PREX2: variants seen among roughly 807,000 people sequenced by gnomAD.
The protein encoded by PREX2 is phosphatidylinositol 3,4,5-trisphosphate-dependent Rac exchanger 2 protein.
Under a neutral mutation model 203.2 loss-of-function variants are expected in PREX2, and 107 were observed. That is an observed-to-expected ratio of 0.53 (90% confidence interval 0.45 to 0.62). The LOEUF (loss-of-function observed/expected upper bound fraction) is 0.62. PREX2 is among the 20% of genes least tolerant of loss of function. The probability of loss-of-function intolerance (pLI) is 0.00; values close to 1 mark genes in which losing one functional copy is unlikely to be tolerated. For missense variants in PREX2, 1,777 were observed against 1,955.9 expected (o/e 0.91, Z 1.72); for synonymous variants, 672 against 663.6 (o/e 1.01, Z -0.19).
intron 39 of PREX2, among the ~76,000 whole-genome samples, chr8:68,225,111 T>C (rs1313033660): frequency 6.6e-6 from 1 of 152,194 alleles, no homozygotes; most frequent in Non-Finnish European, 1.5e-5. Context: ...TGATAAACTT[T>C]ATCATATCTT....
At chr8:68,215,023 G>T (rs1361019625) in intron 37 of PREX2, among the ~76,000 whole-genome samples, 3 of 152,166 alleles carry the variant, frequency 2.0e-5, no homozygotes. Context: ...CCATTTGAAG[G>T]TAGATTTTTC....
chr8:68,036,555 C>T (rs1325968592), intron 6 of PREX2, among the ~76,000 whole-genome samples: 3 of 152,056 alleles, frequency 2.0e-5, no homozygotes, highest in African/African-American at 4.8e-5. Context: ...ATTAATACCA[C>T]TTTGCTTAAT....
chr8:68,186,767 C>T (rs1812199640), intron 35 of PREX2, among the ~76,000 whole-genome samples: 1 of 152,218 alleles, frequency 6.6e-6, no homozygotes, highest in South Asian at 2.1e-4. Context: ...CCACCTCAGC[C>T]TCCCAAAGTG....
At chr8:68,047,151 T>C (rs1808376235) in intron 8 of PREX2, among the ~76,000 whole-genome samples, 1 of 151,974 alleles carries the variant, frequency 6.6e-6, no homozygotes, top group South Asian at 2.1e-4. Flanking sequence ...TGGGTTTGGT[T>C]GCACCCAGAA....
At chr8:68,036,726 A>G (rs1273741876) in intron 6 of PREX2, among the ~76,000 whole-genome samples, 3 of 152,070 alleles carry the variant, frequency 2.0e-5, no homozygotes, top group African/African-American at 7.2e-5. Context: ...TGGGTGGATC[A>G]CCTGAGGTCG....
At chr8:68,080,277 A>ACAGG (rs200629180) in intron 15 of PREX2, among the ~76,000 whole-genome samples, 166 bp from the exon 16 acceptor site, 1 of 130,398 alleles carries the variant, frequency 7.7e-6, no homozygotes, top group East Asian at 2.2e-4. Flanking sequence ...GAAATTATAG[A>ACAGG]AAGAGAAAAA....
chr8:68,099,575 A>T, intron 22 of PREX2, 107 bp from the exon 23 acceptor site: 1 of 1,075,548 alleles, frequency 9.3e-7, no homozygotes, highest in South Asian at 1.7e-5. Flanking sequence ...TGAAAATTTG[A>T]TATGGCTACT....
intron 37 of PREX2, among the ~76,000 whole-genome samples, chr8:68,212,138 T>A (rs1812753029): frequency 6.6e-6 from 1 of 152,124 alleles, no homozygotes; most frequent in South Asian, 2.1e-4. Flanking sequence ...TGCACCAGCA[T>A]ATTGAGCTCC....
Position 68,148,368 on chromosome 8 carries a change from ACTCTTTTCCTTTATTTCT to A in PREX2, c.4231+2040_4231+2057del, listed in dbSNP as rs765266677. Among the ~76,000 whole-genome samples the A allele has an allele frequency of 1.1e-3, 161 of 152,066 alleles. 2 individuals are homozygous for A. The highest frequency in any genetic ancestry group is 1.9e-3 in the Non-Finnish European group (130 of 67,992). ...TAGCCAGGACTTACAATTGTTAAAG[ACTCTTTTCCTTTATTTCT>A]CTCTTTTCCTTTATTTCTCTCTTCT... is the stretch of plus-strand genomic sequence containing the variant. On this transcript the variant is annotated intron_variant, in intron 34 of 39. Coordinates refer to ENST00000288368, the MANE Select transcript of PREX2 (RefSeq NM_024870.4).
In PREX2 at chr8:68,055,838, T is replaced by G. The variant is rs764216584; in HGVS notation, c.1102T>G (p.Leu368Val). The change falls in exon 10 of 40, where the codon TTA becomes GTA. Residue 368 changes from leucine to valine, a missense_variant. Leu to Val is a conservative substitution (Grantham distance 32, BLOSUM62 1). Coordinates refer to ENST00000288368, the MANE Select transcript of PREX2 (RefSeq NM_024870.4). Reference protein sequence around the residue: ...KERERRKGLKLGMEQDTWVMI... With the variant: ...KERERRKGLKVGMEQDTWVMI... ...TCTTTCATTTTTGATAGGTTTAAAA[T>G]TAGGAATGGAGCAAGATACCTGGGT... 3.4e-5 allele frequency: 54 copies of G among 1,610,610 alleles called. No individual in the cohort carries two copies. The highest frequency in any genetic ancestry group is 4.6e-5 in the Non-Finnish European group (54 of 1,179,142).
At chr8:68,226,863 A>T (rs1252495444) in intron 39 of PREX2, among the ~76,000 whole-genome samples, 1 of 152,230 alleles carries the variant, frequency 6.6e-6, no homozygotes, top group African/African-American at 2.4e-5. Flanking sequence ...GAGGTCACAG[A>T]ATACTCCTGG....
intron 37 of PREX2, among the ~76,000 whole-genome samples, chr8:68,194,294 C>T (rs555078122): frequency 2.7e-4 from 41 of 151,796 alleles, no homozygotes; most frequent in East Asian, 1.4e-3. Flanking sequence ...TGGGGGGAAA[C>T]GGTTGATAAA....
Position 68,063,595 on chromosome 8 carries a change from A to G in PREX2, c.1339+2816A>G, listed in dbSNP as rs140707266. Among the ~76,000 whole-genome samples the G allele has an allele frequency of 3.4e-3, 516 of 152,282 alleles. 6 individuals carry two copies. Among genetic ancestry groups the G allele is most frequent in the African/African-American group, 0.012 (503 of 41,578 alleles). On this transcript the variant is annotated intron_variant, in intron 11 of 39. Coordinates refer to ENST00000288368, the MANE Select transcript of PREX2 (RefSeq NM_024870.4). ...ACTATATTAGGGAGGTTTGTTTGTT[A>G]CAGTAGCTAGTGTTAACTAGTGGAA...
At chr8:67,995,730 C>G (rs1284927274) in intron 1 of PREX2, among the ~76,000 whole-genome samples, 2 of 152,246 alleles carry the variant, frequency 1.3e-5, no homozygotes, top group Middle Eastern at 3.4e-3. Flanking sequence ...CCATTCACTA[C>G]TTGATAGTCA....
intron 17 of PREX2, among the ~76,000 whole-genome samples, chr8:68,081,605 G>A (rs961416575): frequency 3.3e-5 from 5 of 152,138 alleles, no homozygotes; most frequent in African/African-American, 4.8e-5. Context: ...TCCCATCACC[G>A]TTGATAGTGT....
rs1264640767 is a variant in PREX2 at position 68,234,520 on chromosome 8, A to G, written c.*3142A>G. On this transcript the variant is annotated 3_prime_UTR_variant, in exon 40 of 40. Transcript: ENST00000288368. ...TTCTAATATTAATTCCAAATATTACAAAATTTAATGTGATATTAAAGTATG... is the reference window on the plus strand; with the variant it reads ...TTCTAATATTAATTCCAAATATTACGAAATTTAATGTGATATTAAAGTATG... 3 of 152,214 alleles carry G rather than the reference A, an allele frequency of 2.0e-5. No homozygotes were observed. The highest frequency in any genetic ancestry group is 7.2e-5 in the African/African-American group (3 of 41,458). The allele number at this position is 152,214 out of a possible 1,614,324, so 9.4% of individuals were successfully genotyped here. A position where few individuals can be genotyped will look rare whatever the true frequency, so the allele number is the denominator to read the frequency against.
In PREX2 at chr8:68,215,160, C is replaced by G. The variant is rs569461294; in HGVS notation, c.4605-2456C>G. 1.2e-4 allele frequency among the ~76,000 whole-genome samples: 18 copies of G among 152,218 alleles called. No individual in the cohort carries two copies. In the South Asian group the frequency reaches 3.7e-3, roughly 32 times the overall value. ...AAAATCTCTGGCGGGTAATTTGCTGCTGTACTGCTGCTTACTACAACTTGA... is the reference window on the plus strand; with the variant it reads ...AAAATCTCTGGCGGGTAATTTGCTGGTGTACTGCTGCTTACTACAACTTGA... On this transcript the variant is annotated intron_variant, in intron 37 of 39. Transcript: ENST00000288368.
At chr8:68,021,293 C>T (rs1385722806) in intron 3 of PREX2, among the ~76,000 whole-genome samples, 2 of 152,152 alleles carry the variant, frequency 1.3e-5, no homozygotes, top group Non-Finnish European at 2.9e-5. Flanking sequence ...CCTAAAGATC[C>T]TAGTTTTATA....
Position 68,109,490 on chromosome 8 carries a change from C to G in PREX2, c.3013C>G (p.Gln1005Glu), listed in dbSNP as rs768146218. Residue 1005 changes from glutamine (Q) to glutamate (E), a missense_variant, in exon 25 of 40, where the codon CAG becomes GAG. Gln to Glu is a conservative substitution (Grantham distance 29). Coordinates refer to ENST00000288368, the MANE Select transcript of PREX2 (RefSeq NM_024870.4). ...MAAPSGLSLG[Q>E]QDGHGLRYLL... ...GGCCCCTTCAGGTCTGTCTCTGGGA[C>G]AGCAGGATGGCCATGGTCTCAGGTA... 1.2e-6 allele frequency: 2 copies of G among 1,614,032 alleles called. No homozygotes were observed. The highest frequency in any genetic ancestry group is 2.2e-5 in the South Asian group (2 of 91,080).
Sources: allele counts gnomAD v4.1 joint callset (sites outside exome capture counted in the v4.1 genomes callset), GRCh38; gene constraint gnomAD v4.1.1; transcripts MANE v1.5; gene names NCBI Gene and HGNC (gene_info 2026-07-23, HGNC 2026-07-21).